Variants in DOCK1 observed in about 807,000 individuals in gnomAD.
DOCK1 encodes the protein dedicator of cytokinesis 1, also known as dedicator of cytokinesis protein 1.
A neutral mutation model predicts 262.7 loss-of-function variants in DOCK1; 138 were observed. The ratio of observed to expected loss-of-function variants is 0.53; its 90% CI spans 0.46 to 0.61. The LOEUF (loss-of-function observed/expected upper bound fraction) is 0.61, where lower values mean the gene tolerates loss of function less well. Ranked by LOEUF, DOCK1 falls within the 20% of genes least tolerant of loss-of-function variation. The pLI is 0.00. For synonymous variants in DOCK1, 866 were observed against 867.4 expected, an observed-to-expected ratio of 1.00 and a Z score of 0.03; for missense variants, 1,908 against 2,370.7, an observed-to-expected ratio of 0.80 and a Z score of 4.05.
At chr10:126,912,157 G>T (rs902893019) in intron 1 of DOCK1, among the ~76,000 whole-genome samples, 3 of 152,270 alleles carry the variant, frequency 2.0e-5, no homozygotes, top group African/African-American at 7.2e-5. Flanking sequence ...GGCCAGCCTC[G>T]GTGGCTCACA....
At chr10:127,202,278 G>A (rs1424341688) in intron 27 of DOCK1, among the ~76,000 whole-genome samples, 4 of 151,672 alleles carry the variant, frequency 2.6e-5, no homozygotes, top group Admixed American at 6.6e-5. Context: ...AGCCAAGATC[G>A]CGCCATGGCA....
At chr10:127,009,380 A>G (rs2041262884) in intron 11 of DOCK1, among the ~76,000 whole-genome samples, 1 of 152,174 alleles carries the variant, frequency 6.6e-6, no homozygotes, top group African/African-American at 2.4e-5. Flanking sequence ...GAGGAGATTC[A>G]TTAAATTGAT....
intron 23 of DOCK1, among the ~76,000 whole-genome samples, chr10:127,082,720 A>G (rs1163834608): frequency 2.6e-5 from 4 of 152,070 alleles, no homozygotes; most frequent in Non-Finnish European, 5.9e-5. Flanking sequence ...AGTGACAGCA[A>G]CTGTCTGGCT....
At chr10:127,228,784 T>C (rs560654936) in intron 27 of DOCK1, among the ~76,000 whole-genome samples, 1 of 152,374 alleles carries the variant, frequency 6.6e-6, no homozygotes, top group South Asian at 2.1e-4. Context: ...ATTTTTAAAT[T>C]TTATTGTTTA....
At chr10:127,183,071 CTTTTTTTTTTTTTTTT>C (rs3066813) in intron 27 of DOCK1, among the ~76,000 whole-genome samples, 1 of 88,634 alleles carries the variant, frequency 1.1e-5, no homozygotes, top group African/African-American at 4.3e-5. Flanking sequence ...TATGGTGAAT[CTTTTTTTTTTTTTTTT>C]TTTTTTTTTA....
At chr10:127,094,959 C>G (rs530938691) in intron 23 of DOCK1, among the ~76,000 whole-genome samples, 178 of 152,308 alleles carry the variant, frequency 1.2e-3, no homozygotes, top group Non-Finnish European at 2.0e-3. Flanking sequence ...AGGCCTCTTC[C>G]AAGGCTCTCT....
chr10:126,983,634 GTCTT>G (rs2039141923), intron 4 of DOCK1, among the ~76,000 whole-genome samples: 1 of 152,036 alleles, frequency 6.6e-6, no homozygotes, highest in South Asian at 2.1e-4. Context: ...TGCAGGCTCT[GTCTT>G]TCTTTTACAG....
chr10:127,017,857 A>G (rs1309236842), intron 12 of DOCK1, among the ~76,000 whole-genome samples: 9 of 152,052 alleles, frequency 5.9e-5, no homozygotes, highest in Admixed American at 3.9e-4. Context: ...CCCGCCTTTG[A>G]CTTGTTGGAA....
intron 29 of DOCK1, among the ~76,000 whole-genome samples, chr10:127,329,785 G>GCAGGAC (rs1251765259): frequency 1.3e-5 from 2 of 152,128 alleles, no homozygotes; most frequent in African/African-American, 4.8e-5. Flanking sequence ...GGCAGGATTG[G>GCAGGAC]GAGGAGGTAG....
intron 21 of DOCK1, among the ~76,000 whole-genome samples, chr10:127,047,343 C>T (rs1314465191): frequency 6.6e-6 from 1 of 152,122 alleles, no homozygotes; most frequent in Admixed American, 6.5e-5. Context: ...TCTCACATTA[C>T]TCAAATGTTA....
At chr10:126,912,275 A>C (rs1386330295) in intron 1 of DOCK1, among the ~76,000 whole-genome samples, 1 of 152,008 alleles carries the variant, frequency 6.6e-6, no homozygotes, top group East Asian at 1.9e-4. Flanking sequence ...GTAAAAATAC[A>C]AAAAATTAAC....
intron 18 of DOCK1, among the ~76,000 whole-genome samples, chr10:127,035,406 G>T (rs1370522242): frequency 3.3e-5 from 5 of 152,154 alleles, no homozygotes; most frequent in Non-Finnish European, 7.4e-5. Flanking sequence ...TGGGCTGTGA[G>T]TCCCGGTAAT....
chr10:127,417,028 G>A (rs1484323586), intron 44 of DOCK1, among the ~76,000 whole-genome samples: 1 of 152,206 alleles, frequency 6.6e-6, no homozygotes, highest in Non-Finnish European at 1.5e-5. Context: ...AGGAGTGCCA[G>A]TCTAGGGTTG....
intron 18 of DOCK1, among the ~76,000 whole-genome samples, chr10:127,036,760 G>A (rs1016295505): frequency 2.0e-5 from 3 of 151,764 alleles, no homozygotes; most frequent in African/African-American, 7.3e-5. Context: ...GATCACCTGC[G>A]ATCAGGAGTT....
At chr10:127,218,270 CT>C (rs2058294991) in intron 27 of DOCK1, among the ~76,000 whole-genome samples, 1 of 152,188 alleles carries the variant, frequency 6.6e-6, no homozygotes, top group African/African-American at 2.4e-5. Context: ...ACAGAATCTG[CT>C]CATTTCCTTT....
intron 51 of DOCK1, 146 bp downstream of exon 51, chr10:127,447,691 CA>C (rs758799082): frequency 3.0e-5 from 39 of 1,308,968 alleles, no homozygotes; most frequent in Admixed American, 2.3e-4. Flanking sequence ...TTTGATTTTG[CA>C]AAAAGATATC....
At chr10:127,301,380 A>G (rs1224001117) in intron 29 of DOCK1, among the ~76,000 whole-genome samples, 1 of 152,224 alleles carries the variant, frequency 6.6e-6, no homozygotes, top group Non-Finnish European at 1.5e-5. Flanking sequence ...GCCTAGCTAA[A>G]TAACTCCGAT....
At chr10:127,243,517 A>G (rs1371866591) in intron 27 of DOCK1, among the ~76,000 whole-genome samples, 1 of 151,292 alleles carries the variant, frequency 6.6e-6, no homozygotes, top group East Asian at 2.0e-4. Context: ...GCTCAATTCC[A>G]CCTGCCCTTC....
chr10:127,125,251 G>C (rs1260833515), intron 25 of DOCK1, among the ~76,000 whole-genome samples: 1 of 152,176 alleles, frequency 6.6e-6, no homozygotes, highest in Non-Finnish European at 1.5e-5. Context: ...GTTTACCTGG[G>C]ATACACACAT....
Sources: allele counts gnomAD v4.1 joint callset (sites outside exome capture counted in the v4.1 genomes callset), GRCh38; gene constraint gnomAD v4.1.1; transcripts MANE v1.5; gene names NCBI Gene and HGNC (gene_info 2026-07-23, HGNC 2026-07-21).